HCN1: variants seen among roughly 807,000 people sequenced by gnomAD.
The protein encoded by HCN1 is potassium/sodium hyperpolarization-activated cyclic nucleotide-gated channel 1.
Under a neutral mutation model 78.9 loss-of-function variants are expected in HCN1, and 13 were observed. That is an observed-to-expected ratio of 0.16 (90% CI 0.11 to 0.26). The LOEUF is 0.26. HCN1 is among the 10% of genes least tolerant of loss of function. The probability of loss-of-function intolerance (pLI) is 1.00; values close to 1 mark genes in which losing one functional copy is unlikely to be tolerated. For missense variants in HCN1, 810 were observed against 1,154.3 expected (o/e 0.70, Z 4.32); for synonymous variants, 552 against 455.5 (o/e 1.21, Z -2.70).
intron 3 of HCN1, among the ~76,000 whole-genome samples, chr5:45,461,252 T>C (rs888088778): frequency 7.2e-5 from 11 of 152,050 alleles, no homozygotes; most frequent in African/African-American, 2.7e-4. Context: ...AATAGGAATA[T>C]ACATAGCTAT....
At position 45,284,069 on chromosome 5, in the gene HCN1, C is replaced by T. The variant is rs541977428; in HGVS notation, c.1619-16816G>A. ...GAAAACCAAATACGGCATGTTATCA[C>T]TTATAAATGGAAGCTAAATGATGAG... On this transcript the variant is annotated intron_variant, in intron 6 of 7. Transcript: ENST00000303230. Among the ~76,000 whole-genome samples the T allele has an allele frequency of 2.6e-5, 4 of 152,174 alleles. No homozygotes were observed. The East Asian group carries it at 7.7e-4, about 29-fold the overall frequency.
intron 5 of HCN1, among the ~76,000 whole-genome samples, chr5:45,315,235 A>C (rs1745956783): frequency 6.6e-6 from 1 of 152,230 alleles, no homozygotes; most frequent in Non-Finnish European, 1.5e-5. Flanking sequence ...CAGTGCAATC[A>C]AACTAGAACT....
intron 2 of HCN1, among the ~76,000 whole-genome samples, chr5:45,580,713 G>A (rs576305858): frequency 6.6e-6 from 1 of 151,836 alleles, no homozygotes; most frequent in African/African-American, 2.4e-5. Context: ...AACAGGCCCT[G>A]GTGTGTTATG....
chr5:45,406,969 A>G (rs1012567962), intron 3 of HCN1, among the ~76,000 whole-genome samples: 1 of 152,270 alleles, frequency 6.6e-6, no homozygotes, highest in African/African-American at 2.4e-5. Flanking sequence ...GGATCAAGCA[A>G]TCTATACAGT....
intron 5 of HCN1, among the ~76,000 whole-genome samples, chr5:45,312,977 G>T (rs897296907): frequency 6.6e-6 from 1 of 152,162 alleles, no homozygotes; most frequent in Non-Finnish European, 1.5e-5. Flanking sequence ...AGAAACCTCT[G>T]CAGACTTAAA....
chr5:45,387,639 C>G (rs1456403381), intron 4 of HCN1, among the ~76,000 whole-genome samples: 1 of 151,852 alleles, frequency 6.6e-6, no homozygotes, highest in Non-Finnish European at 1.5e-5. Flanking sequence ...CAATTTCGCC[C>G]TACATTTTAT....
At chr5:45,267,309 C>A in intron 6 of HCN1, 56 bp from the exon 7 acceptor site, 4 of 1,522,276 alleles carry the variant, frequency 2.6e-6, no homozygotes, top group Non-Finnish European at 3.6e-6. Context: ...CTTTTAAAAG[C>A]CATTAAGGCT....
chr5:45,401,684 G>A (rs1182347836), intron 3 of HCN1, among the ~76,000 whole-genome samples: 1 of 145,858 alleles, frequency 6.9e-6, no homozygotes, highest in Non-Finnish European at 1.5e-5. Context: ...ATATAGAAAA[G>A]TTCACATTTT....
intron 3 of HCN1, among the ~76,000 whole-genome samples, chr5:45,406,547 C>T (rs1739928026): frequency 6.6e-6 from 1 of 152,178 alleles, no homozygotes; most frequent in Non-Finnish European, 1.5e-5. Context: ...GGAATTCAAT[C>T]ACAGATCTGT....
chr5:45,397,317 G>T (rs1305092551), intron 3 of HCN1, among the ~76,000 whole-genome samples: 1 of 152,056 alleles, frequency 6.6e-6, no homozygotes, highest in African/African-American at 2.4e-5. Flanking sequence ...ATTGAAGACG[G>T]CTGAATCTTG....
intron 5 of HCN1, among the ~76,000 whole-genome samples, chr5:45,323,488 T>C (rs1746167650): frequency 6.6e-6 from 1 of 151,954 alleles, no homozygotes; most frequent in Admixed American, 6.6e-5. Flanking sequence ...AATGCCTTTC[T>C]AGATTTTTTA....
At chr5:45,293,181 C>T (rs991158494) in intron 6 of HCN1, among the ~76,000 whole-genome samples, 13 of 152,008 alleles carry the variant, frequency 8.6e-5, no homozygotes, top group Non-Finnish European at 1.5e-4. Context: ...ACACTGTCTT[C>T]CACAGTGATT....
intron 4 of HCN1, among the ~76,000 whole-genome samples, chr5:45,374,154 T>G (rs1579851607): frequency 8.5e-6 from 1 of 117,868 alleles, no homozygotes; most frequent in Admixed American, 1.1e-4. Flanking sequence ...TTATATATAA[T>G]ATACATTATA....
At chr5:45,507,654 A>G (rs1193676154) in intron 2 of HCN1, among the ~76,000 whole-genome samples, 1 of 152,188 alleles carries the variant, frequency 6.6e-6, no homozygotes, top group Non-Finnish European at 1.5e-5. Flanking sequence ...GAGCACACAC[A>G]CATGGTCAGA....
intron 3 of HCN1, among the ~76,000 whole-genome samples, chr5:45,416,890 G>A (rs1740130235): frequency 6.6e-6 from 1 of 151,834 alleles, no homozygotes; most frequent in Admixed American, 6.6e-5. Context: ...AAAGGACAAA[G>A]GCAACACAAA....
At chr5:45,301,028 G>A (rs887352916) in intron 6 of HCN1, among the ~76,000 whole-genome samples, 3 of 151,998 alleles carry the variant, frequency 2.0e-5, no homozygotes, top group Admixed American at 6.6e-5. Flanking sequence ...GAGTTAATAT[G>A]TTTCACTCAG....
Position 45,517,540 on chromosome 5 carries a change from A to C in HCN1, c.850-55533T>G, listed in dbSNP as rs951026150. On this transcript the variant is annotated intron_variant, in intron 2 of 7. Coordinates refer to ENST00000303230, the MANE Select transcript of HCN1 (RefSeq NM_021072.4). ...CCCCTTAAAAAAAAAAAAAAAAAAA[A>C]AAAACATGATTTCACTGGGGTCAGA... Among the ~76,000 whole-genome samples the C allele has an allele frequency of 1.9e-4, 29 of 150,986 alleles. No individual in the cohort carries two copies. The East Asian group carries it at 4.7e-3, about 24-fold the overall frequency.
chr5:45,388,502 G>A (rs972266246), intron 4 of HCN1, among the ~76,000 whole-genome samples: 1 of 152,092 alleles, frequency 6.6e-6, no homozygotes, highest in African/African-American at 2.4e-5. Context: ...TGGACCGGTA[G>A]CAGCAGCAGC....
intron 1 of HCN1, among the ~76,000 whole-genome samples, chr5:45,674,099 T>C (rs1210631688): frequency 1.3e-5 from 2 of 151,426 alleles, no homozygotes; most frequent in Non-Finnish European, 3.0e-5. Flanking sequence ...TAAAAGTTAA[T>C]ATTAAAATGC....
Sources: allele counts gnomAD v4.1 joint callset (sites outside exome capture counted in the v4.1 genomes callset), GRCh38; gene constraint gnomAD v4.1.1; transcripts MANE v1.5; gene names NCBI Gene and HGNC (gene_info 2026-07-23, HGNC 2026-07-21).